NUMB: variants seen among roughly 807,000 people sequenced by gnomAD.
NUMB encodes the protein NUMB endocytic adaptor protein.
In NUMB, 29 loss-of-function variants were observed where a neutral mutation model predicts 59.7. That is an observed-to-expected ratio of 0.49 (90% CI 0.36 to 0.66). The LOEUF is 0.66. NUMB is among the 30% of genes least tolerant of loss of function. NUMB has a pLI of 0.00. For missense variants in NUMB, 723 were observed against 822.0 expected (o/e 0.88, Z 1.47); for synonymous variants, 288 against 288.2 (o/e 1.00, Z 0.01).
intron 1 of NUMB, 110 bp downstream of exon 1, chr14:73,458,383 C>G (rs1022830705): frequency 6.5e-6 from 1 of 153,480 alleles, no homozygotes; most frequent in Admixed American, 6.6e-5. Flanking sequence ...GCCCGGGCCC[C>G]GACCCGAAGT....
In NUMB at chr14:73,275,602, A is replaced by T. The variant is rs1490037982; in HGVS notation, c.*976T>A. ...TAACATAAGGAAACTGCAGCAATATATAAAAGATATATTCTCTATAGAGCA... is the reference window on the plus strand; with the variant it reads ...TAACATAAGGAAACTGCAGCAATATTTAAAAGATATATTCTCTATAGAGCA... On this transcript the variant is annotated 3_prime_UTR_variant, in exon 13 of 13. Transcript: ENST00000555238. 2.0e-5 allele frequency: 3 copies of T among 152,248 alleles called. No homozygotes were observed. The highest frequency in any genetic ancestry group is 4.4e-5 in the Non-Finnish European group (3 of 68,054). The allele number at this position is 152,248 out of a possible 1,614,324, so 9.4% of individuals were successfully genotyped here. A position where few individuals can be genotyped will look rare whatever the true frequency, so the allele number is the denominator to read the frequency against.
At chr14:73,337,343 A>T (rs1260734109) in intron 4 of NUMB, among the ~76,000 whole-genome samples, 1 of 152,108 alleles carries the variant, frequency 6.6e-6, no homozygotes, top group Non-Finnish European at 1.5e-5. Flanking sequence ...CTCTACTAAA[A>T]ATACAAAATT....
intron 4 of NUMB, among the ~76,000 whole-genome samples, chr14:73,330,946 G>A (rs1891941699): frequency 6.6e-6 from 1 of 152,200 alleles, no homozygotes; most frequent in African/African-American, 2.4e-5. Context: ...CAAGGAAGCT[G>A]ACAATACAAC....
chr14:73,276,297 G>C lies in NUMB; in HGVS notation c.*281C>G. On this transcript the variant is annotated 3_prime_UTR_variant, in exon 13 of 13. Transcript: ENST00000555238. ...TCTTGTTCAGATACTTTGCCTCTCTGTTGCCAGAGATTTGTAAGGGGGTAA... is the reference window on the plus strand; with the variant it reads ...TCTTGTTCAGATACTTTGCCTCTCTCTTGCCAGAGATTTGTAAGGGGGTAA... 2.8e-6 allele frequency: 1 copy of C among 351,756 alleles called. No individual in the cohort carries two copies. Among genetic ancestry groups the C allele is most frequent in the South Asian group, 5.9e-5 (1 of 17,038 alleles). The allele number at this position is 351,756 out of a possible 1,614,324, so 21.8% of individuals were successfully genotyped here.
chr14:73,338,308 A>T (rs1283048130), intron 4 of NUMB, among the ~76,000 whole-genome samples: 1 of 152,126 alleles, frequency 6.6e-6, no homozygotes, highest in African/African-American at 2.4e-5. Context: ...GCAAAGAAAA[A>T]AAAAAAGTTA....
chr14:73,408,337 A>T (rs982729932), intron 2 of NUMB, among the ~76,000 whole-genome samples: 1 of 152,178 alleles, frequency 6.6e-6, no homozygotes, highest in Non-Finnish European at 1.5e-5. Context: ...CAGACAAAAC[A>T]AATTTGGAGG....
At chr14:73,349,550 G>A (rs1201928128) in intron 4 of NUMB, among the ~76,000 whole-genome samples, 5 of 149,074 alleles carry the variant, frequency 3.4e-5, no homozygotes, top group Non-Finnish European at 7.4e-5. Flanking sequence ...CTCCATCCTG[G>A]GCAACAAGAG....
chr14:73,385,845 T>G (rs2140087203), intron 2 of NUMB, among the ~76,000 whole-genome samples: 2 of 152,216 alleles, frequency 1.3e-5, no homozygotes, highest in East Asian at 3.9e-4. Flanking sequence ...AAAACTTGGA[T>G]GGTAGTAATG....
chr14:73,448,595 T>C (rs1883710195), intron 1 of NUMB, among the ~76,000 whole-genome samples: 1 of 152,176 alleles, frequency 6.6e-6, no homozygotes, highest in Non-Finnish European at 1.5e-5. Context: ...CTATTTCTAC[T>C]TGAATTGCGA....
chr14:73,387,760 CA>C lies in NUMB; in HGVS notation c.-100-20780del, dbSNP rs201213070. 7.6e-3 allele frequency among the ~76,000 whole-genome samples: 1,004 copies of C among 131,534 alleles called. 6 individuals carry two copies. The highest frequency in any genetic ancestry group is 0.031 in the South Asian group (139 of 4,548). 86.3% of individuals were successfully genotyped at this position (131,534 alleles called of 152,430 possible). ...AAAAAAAAAAACAAAAACAAACAAA[CA>C]AAAAAAAAACCAAAAAGGCCACTAG... On this transcript the variant is annotated intron_variant, in intron 2 of 12. Transcript: ENST00000555238.
At chr14:73,296,171 G>C (rs919069399) in intron 7 of NUMB, among the ~76,000 whole-genome samples, 1 of 152,090 alleles carries the variant, frequency 6.6e-6, no homozygotes, top group African/African-American at 2.4e-5. Flanking sequence ...GGCCACGAGC[G>C]GTGGCTCATG....
At chr14:73,430,571 C>T (rs987416852) in intron 1 of NUMB, among the ~76,000 whole-genome samples, 1 of 151,982 alleles carries the variant, frequency 6.6e-6, no homozygotes, top group African/African-American at 2.4e-5. Flanking sequence ...GGGGTCGAGG[C>T]TGCAGTGAGC....
At chr14:73,451,241 G>C (rs1255553621) in intron 1 of NUMB, among the ~76,000 whole-genome samples, 1 of 149,154 alleles carries the variant, frequency 6.7e-6, no homozygotes, top group African/African-American at 2.5e-5. Flanking sequence ...TTCAATACCA[G>C]CCTGGCCAAT....
At chr14:73,328,265 A>T in intron 4 of NUMB, among the ~76,000 whole-genome samples, 1 of 128,930 alleles carries the variant, frequency 7.8e-6, no homozygotes, top group African/African-American at 2.9e-5. Flanking sequence ...ACAGAGCAAG[A>T]CTCCATCTCA....
chr14:73,276,146 A>C lies in NUMB; in HGVS notation c.*432T>G, dbSNP rs1888138746. On this transcript the variant is annotated 3_prime_UTR_variant, in exon 13 of 13. Coordinates refer to ENST00000555238, the MANE Select transcript of NUMB (RefSeq NM_001005743.2). ...CTGTTCCCCAGCCTGAGCACAAACCACTCTTCTTGATCTCTAATACAGGCC... is the reference window on the plus strand; with the variant it reads ...CTGTTCCCCAGCCTGAGCACAAACCCCTCTTCTTGATCTCTAATACAGGCC... 1 of 159,212 alleles carries C rather than the reference A, an allele frequency of 6.3e-6. No homozygotes were observed. 9.9% of individuals were successfully genotyped at this position (159,212 alleles called of 1,614,324 possible).
chr14:73,408,122 G>C (rs936398124), intron 2 of NUMB, among the ~76,000 whole-genome samples: 2 of 152,116 alleles, frequency 1.3e-5, no homozygotes, highest in African/African-American at 2.4e-5. Context: ...AGCTACTCGG[G>C]AGGCTGAGGC....
At chr14:73,438,929 A>G (rs558166097) in intron 1 of NUMB, among the ~76,000 whole-genome samples, 7 of 152,168 alleles carry the variant, frequency 4.6e-5, no homozygotes, top group Non-Finnish European at 1.0e-4. Flanking sequence ...AAGAATAAGA[A>G]CATTCATTAA....
At chr14:73,428,213 T>C (rs1432263776) in intron 1 of NUMB, among the ~76,000 whole-genome samples, 1 of 152,208 alleles carries the variant, frequency 6.6e-6, no homozygotes, top group East Asian at 1.9e-4. Flanking sequence ...GTCAAATTAG[T>C]AATCCATCAC....
At chr14:73,410,910 G>A (rs112789286) in intron 1 of NUMB, among the ~76,000 whole-genome samples, 28 of 152,276 alleles carry the variant, frequency 1.8e-4, no homozygotes, top group African/African-American at 6.3e-4. Context: ...TCCCTCCTCT[G>A]AAAAGCTCCC....
Sources: allele counts gnomAD v4.1 joint callset (sites outside exome capture counted in the v4.1 genomes callset), GRCh38; gene constraint gnomAD v4.1.1; transcripts MANE v1.5; gene names NCBI Gene and HGNC (gene_info 2026-07-23, HGNC 2026-07-21).